The following CHST9 variants were observed in gnomAD, a reference collection of about 807,000 sequenced individuals.
The protein encoded by CHST9 is carbohydrate sulfotransferase 9, also known as GalNAc-4-sulfotransferase 2.
A neutral mutation model predicts 44.4 loss-of-function variants in CHST9; 41 were observed. The ratio of observed to expected loss-of-function variants is 0.92; its 90% CI spans 0.72 to 1.20. The LOEUF is 1.20. Among genes scored for constraint, CHST9 ranks in the 50% most tolerant of loss-of-function variants. The pLI is 0.00. For missense variants in CHST9, 504 were observed against 516.5 expected, an observed-to-expected ratio of 0.98 and a Z score of 0.23; for synonymous variants, 171 against 178.4, an observed-to-expected ratio of 0.96 and a Z score of 0.33.
intron 4 of CHST9, among the ~76,000 whole-genome samples, chr18:27,023,031 C>T (rs1006890109): frequency 3.9e-5 from 6 of 152,212 alleles, no homozygotes; most frequent in African/African-American, 1.2e-4. Context: ...TTTCAATATA[C>T]CCCTAGGAGG....
rs1568116290 is a variant in CHST9, at chr18:26,973,352, GA to G, written c.203-28987del. On this transcript the variant is annotated intron_variant, in intron 4 of 5. Coordinates refer to ENST00000618847, the MANE Select transcript of CHST9 (RefSeq NM_031422.6). Reference sequence around the variant, plus strand: ...TTAGGCACACAACAAGTGTGTGCATGAAAAAAATGAATGAGTCAAGAGTCCC... The same window carrying G: ...TTAGGCACACAACAAGTGTGTGCATGAAAAAATGAATGAGTCAAGAGTCCC... Among the ~76,000 whole-genome samples the G allele has an allele frequency of 2.0e-5, 3 of 152,272 alleles. No homozygotes were observed. In the South Asian group the frequency reaches 6.2e-4, roughly 32 times the overall value.
At chr18:27,007,037 C>T (rs1397435828) in intron 4 of CHST9, among the ~76,000 whole-genome samples, 1 of 152,168 alleles carries the variant, frequency 6.6e-6, no homozygotes, top group Non-Finnish European at 1.5e-5. Flanking sequence ...TTACTTCAAG[C>T]TCCTAAAATT....
intron 3 of CHST9, among the ~76,000 whole-genome samples, chr18:27,028,987 T>C (rs750827063): frequency 1.3e-5 from 2 of 152,154 alleles, no homozygotes; most frequent in East Asian, 1.9e-4. Flanking sequence ...CTATCCAAGA[T>C]TGCAAAACTA....
chr18:27,089,618 G>T (rs2058047634), intron 2 of CHST9, among the ~76,000 whole-genome samples: 1 of 152,130 alleles, frequency 6.6e-6, no homozygotes, highest in Non-Finnish European at 1.5e-5. Flanking sequence ...TGTCTTTATA[G>T]TAGCATGATT....
chr18:26,918,858 C>A (rs955228108), intron 5 of CHST9, among the ~76,000 whole-genome samples: 12 of 151,834 alleles, frequency 7.9e-5, no homozygotes, highest in African/African-American at 2.7e-4. Context: ...CCGTGTATAG[C>A]CCCGTGTATT....
chr18:27,175,006 G>A lies in CHST9; in HGVS notation c.-97+10130C>T, dbSNP rs2058857795. On this transcript the variant is annotated intron_variant, in intron 1 of 5. Coordinates refer to ENST00000618847, the MANE Select transcript of CHST9 (RefSeq NM_031422.6). ...GCTAACCCAACTCAGTTTTAATGCAGCATTTTGAATTCAGTCACGAATGTT... is the reference window on the plus strand; with the variant it reads ...GCTAACCCAACTCAGTTTTAATGCAACATTTTGAATTCAGTCACGAATGTT... Among the ~76,000 whole-genome samples, 3 of 152,144 alleles carry A rather than the reference G, an allele frequency of 2.0e-5. No individual in the cohort carries two copies. In the South Asian group the frequency reaches 6.2e-4, roughly 31 times the overall value.
chr18:27,145,992 T>TAC (rs2058609096), intron 1 of CHST9, among the ~76,000 whole-genome samples: 1 of 152,176 alleles, frequency 6.6e-6, no homozygotes, highest in African/African-American at 2.4e-5. Flanking sequence ...GAAATAGTTG[T>TAC]TTACAAGAAG....
intron 2 of CHST9, among the ~76,000 whole-genome samples, chr18:27,135,495 A>G (rs938058109): frequency 6.6e-6 from 1 of 152,184 alleles, no homozygotes; most frequent in Non-Finnish European, 1.5e-5. Context: ...AGAGTATTAC[A>G]GTGACCACTC....
intron 4 of CHST9, among the ~76,000 whole-genome samples, chr18:26,960,545 T>C (rs1033556199): frequency 6.6e-6 from 1 of 152,224 alleles, no homozygotes; most frequent in Non-Finnish European, 1.5e-5. Flanking sequence ...TAAGGAATGT[T>C]TAGAATTTAT....
intron 3 of CHST9, among the ~76,000 whole-genome samples, chr18:27,045,783 A>C (rs2057492507): frequency 6.6e-6 from 1 of 151,998 alleles, no homozygotes; most frequent in South Asian, 2.1e-4. Context: ...CTGGCTTATG[A>C]AAAATAGCAT....
Position 26,916,414 on chromosome 18 carries a change from G to A in CHST9, c.1177C>T (p.Pro393Ser). The change falls in exon 6 of 6, where the codon CCC becomes TCC. Residue 393 changes from proline (P) to serine (S), a missense_variant. By Grantham distance (74) the Pro-to-Ser change is moderately conservative. Transcript: ENST00000618847. ...MIGAPKELKFPNFKDRHSSDE... is the reference protein window; with the variant it reads ...MIGAPKELKFSNFKDRHSSDE... The stretch of plus-strand genomic sequence containing the variant: ...GAAGAGTGCCTATCCTTAAAGTTGG[G>A]AAATTTCAGCTCCTTTGGAGCACCG... 1 of 1,613,724 alleles carries A rather than the reference G, an allele frequency of 6.2e-7. No individual in the cohort carries two copies.
intron 1 of CHST9, among the ~76,000 whole-genome samples, chr18:27,151,526 T>A (rs1194323207): frequency 6.6e-6 from 1 of 152,074 alleles, no homozygotes; most frequent in African/African-American, 2.4e-5. Flanking sequence ...GAGAATTGAG[T>A]TTGCAGACGG....
chr18:27,145,378 TTCACCATG>T (rs2058603602), intron 1 of CHST9, among the ~76,000 whole-genome samples: 1 of 152,128 alleles, frequency 6.6e-6, no homozygotes, highest in Non-Finnish European at 1.5e-5. Context: ...GAGATGGAGT[TTCACCATG>T]TTGGCCAGGC....
At chr18:27,051,063 A>G (rs1193839671) in intron 2 of CHST9, among the ~76,000 whole-genome samples, 7 of 152,146 alleles carry the variant, frequency 4.6e-5, no homozygotes, top group Non-Finnish European at 8.8e-5. Context: ...TGACTGTGTA[A>G]TCAAGGATTT....
intron 2 of CHST9, among the ~76,000 whole-genome samples, chr18:27,077,056 A>T (rs1358243829): frequency 6.6e-6 from 1 of 152,204 alleles, no homozygotes; most frequent in African/African-American, 2.4e-5. Flanking sequence ...TAATGTGCAT[A>T]AAATTCTGAA....
intron 1 of CHST9, among the ~76,000 whole-genome samples, chr18:27,167,781 C>A (rs994989371): frequency 1.3e-5 from 2 of 152,168 alleles, no homozygotes; most frequent in South Asian, 4.1e-4. Flanking sequence ...AAGGTGATAT[C>A]TAAGCTGCGA....
intron 1 of CHST9, among the ~76,000 whole-genome samples, chr18:27,172,223 T>C (rs1315024519): frequency 2.0e-5 from 3 of 152,170 alleles, no homozygotes; most frequent in Admixed American, 6.6e-5. Context: ...AAATTCTGTA[T>C]GGAAGTCCAC....
At chr18:27,146,005 A>G (rs905949493) in intron 1 of CHST9, among the ~76,000 whole-genome samples, 1 of 152,220 alleles carries the variant, frequency 6.6e-6, no homozygotes, top group Non-Finnish European at 1.5e-5. Flanking sequence ...ACAAGAAGAA[A>G]GAGACTTTTA....
chr18:27,146,948 A>G (rs2058617204), intron 1 of CHST9, among the ~76,000 whole-genome samples: 1 of 152,236 alleles, frequency 6.6e-6, no homozygotes, highest in South Asian at 2.1e-4. Context: ...ATTTTTTTAA[A>G]TAATTGTGGC....
Sources: allele counts gnomAD v4.1 joint callset (sites outside exome capture counted in the v4.1 genomes callset), GRCh38; gene constraint gnomAD v4.1.1; transcripts MANE v1.5; gene names NCBI Gene and HGNC (gene_info 2026-07-23, HGNC 2026-07-21).